Variants in SDC2 observed in about 807,000 individuals in gnomAD.
The protein encoded by SDC2 is syndecan 2.
Under a neutral mutation model 22.2 loss-of-function variants are expected in SDC2, and 13 were observed. The observed-to-expected ratio is 0.59, with a 90% CI of 0.38 to 0.93. The LOEUF is 0.93. Among genes scored for constraint, SDC2 ranks in the 40% least tolerant of loss-of-function variants. The pLI is 0.00. For synonymous variants in SDC2, 94 were observed against 92.8 expected, an observed-to-expected ratio of 1.01 and a Z score of -0.07; for missense variants, 235 against 246.8, an observed-to-expected ratio of 0.95 and a Z score of 0.32.
intron 3 of SDC2, among the ~76,000 whole-genome samples, chr8:96,603,397 A>G (rs909740219): frequency 6.6e-6 from 1 of 152,212 alleles, no homozygotes; most frequent in African/African-American, 2.4e-5. Flanking sequence ...CCAAATGAGC[A>G]TGTGTAATAA....
chr8:96,527,351 C>G (rs925591700), intron 1 of SDC2, among the ~76,000 whole-genome samples: 1 of 152,196 alleles, frequency 6.6e-6, no homozygotes, highest in Non-Finnish European at 1.5e-5. Context: ...TCTTGTAAGA[C>G]AGACATCATA....
chr8:96,521,040 T>A (rs775442806), intron 1 of SDC2, among the ~76,000 whole-genome samples: 12 of 152,186 alleles, frequency 7.9e-5, no homozygotes, highest in Non-Finnish European at 1.5e-4. Flanking sequence ...AAGCAGAGGC[T>A]CAGAGAAGTT....
At chr8:96,533,493 CAG>C (rs1003759438) in intron 1 of SDC2, among the ~76,000 whole-genome samples, 25 of 152,134 alleles carry the variant, frequency 1.6e-4, no homozygotes, top group African/African-American at 6.0e-4. Flanking sequence ...GAGCTAGACA[CAG>C]GGTGCTGATT....
chr8:96,511,578 G>A lies in SDC2; in HGVS notation c.60+17247G>A, dbSNP rs532288667. ...AGAACAGCTGTTTTGGCTTCTGCCT[G>A]GCAGTGACTCAGGGAAGCAATCACT... On this transcript the variant is annotated intron_variant, in intron 1 of 4. Coordinates refer to ENST00000302190, the MANE Select transcript of SDC2 (RefSeq NM_002998.4). Among the ~76,000 whole-genome samples the A allele has an allele frequency of 3.2e-4, 48 of 152,260 alleles. No individual in the cohort carries two copies. In the South Asian group the frequency reaches 8.5e-3, roughly 27 times the overall value.
intron 2 of SDC2, among the ~76,000 whole-genome samples, chr8:96,596,815 G>T (rs1022802456): frequency 1.3e-5 from 2 of 152,192 alleles, no homozygotes; most frequent in African/African-American, 4.8e-5. Flanking sequence ...TTGAAAGCTG[G>T]GAAGAAGATG....
At chr8:96,527,986 A>G (rs1813604195) in intron 1 of SDC2, among the ~76,000 whole-genome samples, 1 of 152,240 alleles carries the variant, frequency 6.6e-6, no homozygotes, top group African/African-American at 2.4e-5. Context: ...AAGTGCTGAT[A>G]AAAGATGATG....
At chr8:96,581,789 G>A (rs917407525) in intron 1 of SDC2, among the ~76,000 whole-genome samples, 1 of 152,186 alleles carries the variant, frequency 6.6e-6, no homozygotes, top group Non-Finnish European at 1.5e-5. Context: ...CTTTGGCCAC[G>A]TGTCAGTTTG....
At chr8:96,557,472 G>T (rs1396901114) in intron 1 of SDC2, among the ~76,000 whole-genome samples, 1 of 149,634 alleles carries the variant, frequency 6.7e-6, no homozygotes, top group Middle Eastern at 3.4e-3. Context: ...CATGTCCTTT[G>T]TAGGGACATG....
chr8:96,607,043 C>T (rs774578984), intron 3 of SDC2, among the ~76,000 whole-genome samples: 11 of 152,136 alleles, frequency 7.2e-5, no homozygotes, highest in East Asian at 1.9e-4. Flanking sequence ...GATCTAGGAG[C>T]GCAAACGCGA....
chr8:96,603,756 A>T (rs1815031710), intron 3 of SDC2, among the ~76,000 whole-genome samples: 2 of 152,142 alleles, frequency 1.3e-5, no homozygotes, highest in African/African-American at 4.8e-5. Flanking sequence ...AACAGCCAGG[A>T]AGCCAGCCCT....
rs186220026 is a variant in SDC2, at chr8:96,493,887, C to T, written c.-385C>T. ...GCCCCTAAACTTCTGCCGTAGCTCC[C>T]TTTCAAGCCAGCGAATTTATTCCTT... is the stretch of plus-strand genomic sequence containing the variant. On this transcript the variant is annotated 5_prime_UTR_variant, in exon 1 of 5. Transcript: ENST00000302190. The T allele has an allele frequency of 1.6e-3, 325 of 207,080 alleles. 2 individuals carry two copies. Among genetic ancestry groups the T allele is most frequent in the African/African-American group, 7.0e-3 (303 of 43,120 alleles). 12.8% of individuals were successfully genotyped at this position (207,080 alleles called of 1,614,324 possible). A position where few individuals can be genotyped will look rare whatever the true frequency, so the allele number is the denominator to read the frequency against.
intron 1 of SDC2, among the ~76,000 whole-genome samples, chr8:96,565,695 A>G (rs1814288980): frequency 6.6e-6 from 1 of 152,062 alleles, no homozygotes; most frequent in Admixed American, 6.6e-5. Context: ...TGCATTACAC[A>G]TAGTTTGGGA....
chr8:96,573,470 G>C (rs975833251), intron 1 of SDC2, among the ~76,000 whole-genome samples: 2 of 151,790 alleles, frequency 1.3e-5, no homozygotes, highest in Admixed American at 1.3e-4. Context: ...GTTGGATGCT[G>C]GGAGGATTTT....
At chr8:96,589,622 G>A (rs925209367) in intron 1 of SDC2, among the ~76,000 whole-genome samples, 3 of 152,196 alleles carry the variant, frequency 2.0e-5, no homozygotes, top group African/African-American at 4.8e-5. Flanking sequence ...TGTTGGCCAG[G>A]CTGGTCTCAA....
chr8:96,567,017 C>CTAATTTTTG (rs1322699968), intron 1 of SDC2, among the ~76,000 whole-genome samples: 1 of 152,140 alleles, frequency 6.6e-6, no homozygotes, highest in Non-Finnish European at 1.5e-5. Context: ...CCACGCCCGG[C>CTAATTTTTG]TAATTTTTGT....
intron 1 of SDC2, among the ~76,000 whole-genome samples, chr8:96,501,569 A>G (rs1474521094): frequency 6.6e-6 from 1 of 151,974 alleles, no homozygotes; most frequent in Non-Finnish European, 1.5e-5. Flanking sequence ...CAGCCTCCCA[A>G]AGTGCTGGGA....
chr8:96,495,939 C>T (rs769225333), intron 1 of SDC2, among the ~76,000 whole-genome samples: 2 of 152,190 alleles, frequency 1.3e-5, no homozygotes, highest in Admixed American at 1.3e-4. Flanking sequence ...TAGTTATCTC[C>T]CAGCCAGTTA....
chr8:96,525,944 C>T (rs1321635226), intron 1 of SDC2, among the ~76,000 whole-genome samples: 2 of 152,112 alleles, frequency 1.3e-5, no homozygotes, highest in Non-Finnish European at 2.9e-5. Flanking sequence ...GCACAGGAAC[C>T]TTGTGGGGTA....
intron 2 of SDC2, among the ~76,000 whole-genome samples, chr8:96,595,055 A>G (rs191138306): frequency 8.5e-5 from 13 of 152,348 alleles, no homozygotes; most frequent in African/African-American, 2.9e-4. Flanking sequence ...AAGAAGCTCA[A>G]AAAAGGGAAG....
Sources: allele counts gnomAD v4.1 joint callset (sites outside exome capture counted in the v4.1 genomes callset), GRCh38; gene constraint gnomAD v4.1.1; transcripts MANE v1.5; gene names NCBI Gene and HGNC (gene_info 2026-07-23, HGNC 2026-07-21).